AIDA: variants seen among roughly 807,000 people sequenced by gnomAD.
The protein encoded by AIDA is axin interactor, dorsalization-associated protein.
Under a neutral mutation model 42.7 loss-of-function variants are expected in AIDA, and 18 were observed. The observed-to-expected ratio is 0.42, with a 90% CI of 0.29 to 0.63. The LOEUF is 0.63. Among genes scored for constraint, AIDA ranks in the 20% least tolerant of loss-of-function variants. The probability of loss-of-function intolerance (pLI) is 0.19; values close to 1 mark genes in which losing one functional copy is unlikely to be tolerated. For missense variants in AIDA, 250 were observed against 354.1 expected, an observed-to-expected ratio of 0.71 and a Z score of 2.36; for synonymous variants, 104 against 122.9, an observed-to-expected ratio of 0.85 and a Z score of 1.02.
chr1:222,701,719 A>T (rs1277420562), intron 2 of AIDA, among the ~76,000 whole-genome samples: 3 of 152,120 alleles, frequency 2.0e-5, no homozygotes, highest in Non-Finnish European at 4.4e-5. Context: ...TTCTTTTTTT[A>T]AAAATTTATT....
intron 8 of AIDA, among the ~76,000 whole-genome samples, chr1:222,672,521 A>C (rs1664467587): frequency 6.6e-6 from 1 of 152,160 alleles, no homozygotes; most frequent in East Asian, 1.9e-4. Context: ...CGGATTCAGG[A>C]TGTCTGGGGT....
chr1:222,689,449 CAAGAAAAA>C (rs1225810259), intron 4 of AIDA, among the ~76,000 whole-genome samples: 1 of 126,716 alleles, frequency 7.9e-6, no homozygotes, highest in East Asian at 2.3e-4. Context: ...AAAGCTGTCT[CAAGAAAAA>C]AGAAAATATG....
At chr1:222,699,706 C>A (rs1318920766) in intron 2 of AIDA, among the ~76,000 whole-genome samples, 2 of 152,090 alleles carry the variant, frequency 1.3e-5, no homozygotes, top group African/African-American at 4.8e-5. Flanking sequence ...TGAAATAAGG[C>A]CTACATGTCA....
rs115485854 is a variant in AIDA, at chr1:222,704,480, G to A, written c.111-1263C>T. On this transcript the variant is annotated intron_variant, in intron 1 of 9. Coordinates refer to ENST00000340020, the MANE Select transcript of AIDA (RefSeq NM_022831.4). ...ATGGAAAATTATTCAGTCAAAAAGA[G>A]GAATGAAGTACTACTAACATGTGTA... 8.8e-3 allele frequency among the ~76,000 whole-genome samples: 1,343 copies of A among 152,208 alleles called. 11 individuals are homozygous for A. Among genetic ancestry groups the A allele is most frequent in the Middle Eastern group, 0.017 (5 of 294 alleles).
chr1:222,699,334 C>A (rs954658639), intron 2 of AIDA, among the ~76,000 whole-genome samples: 1 of 152,130 alleles, frequency 6.6e-6, no homozygotes, highest in Non-Finnish European at 1.5e-5. Flanking sequence ...GAAGAAAACA[C>A]AATTGAGTTT....
intron 2 of AIDA, among the ~76,000 whole-genome samples, chr1:222,701,202 A>G (rs1655693527): frequency 6.6e-6 from 1 of 152,110 alleles, no homozygotes; most frequent in Non-Finnish European, 1.5e-5. Flanking sequence ...GGCTGAAACA[A>G]TCTTCCCAAC....
intron 2 of AIDA, among the ~76,000 whole-genome samples, chr1:222,695,047 C>A (rs1345953994): frequency 3.9e-5 from 6 of 152,264 alleles, no homozygotes; most frequent in African/African-American, 1.4e-4. Flanking sequence ...TGAAAGCAGG[C>A]AGAAAAGTAA....
chr1:222,679,985 G>A (rs1303831164), intron 6 of AIDA, among the ~76,000 whole-genome samples: 1 of 152,204 alleles, frequency 6.6e-6, no homozygotes, highest in East Asian at 1.9e-4. Context: ...TGGAATCCCA[G>A]GGTGTCCCTG....
At chr1:222,706,464 T>A (rs890491676) in intron 1 of AIDA, among the ~76,000 whole-genome samples, 2 of 151,556 alleles carry the variant, frequency 1.3e-5, no homozygotes, top group African/African-American at 2.4e-5. Context: ...ATATGGTATA[T>A]CCATAAAAGG....
At chr1:222,689,479 G>GTATATATA (rs1293070735) in intron 4 of AIDA, among the ~76,000 whole-genome samples, 4 of 45,240 alleles carry the variant, frequency 8.8e-5, no homozygotes, top group Non-Finnish European at 1.5e-4. Context: ...ATGTGTGTGT[G>GTATATATA]TGTATATATA....
rs1553295514 is a variant in AIDA at position 222,700,971 on chromosome 1, T to TTGGGGGGGG, written c.180+2176_180+2177insCCCCCCCCA. ...GATAGACTCATTTCTTGATTTTTTT[T>TTGGGGGGGG]GGGGGGGGGGGGACAGGGTCTCACT... On this transcript the variant is annotated intron_variant, in intron 2 of 9. Coordinates refer to ENST00000340020, the MANE Select transcript of AIDA (RefSeq NM_022831.4). Among the ~76,000 whole-genome samples the TTGGGGGGGG allele has an allele frequency of 8.6e-5, 9 of 105,028 alleles. 1 individual carries two copies. Among genetic ancestry groups the TTGGGGGGGG allele is most frequent in the African/African-American group, 1.6e-4 (4 of 24,414 alleles). The allele number at this position is 105,028 out of a possible 152,430, so 68.9% of individuals were successfully genotyped here.
intron 2 of AIDA, among the ~76,000 whole-genome samples, chr1:222,700,521 G>C (rs771547472): frequency 2.0e-5 from 3 of 152,016 alleles, no homozygotes; most frequent in Non-Finnish European, 4.4e-5. Flanking sequence ...ACTCTGGGAG[G>C]CCCAGATGGG....
At chr1:222,681,315 T>C (rs115771178) in intron 6 of AIDA, among the ~76,000 whole-genome samples, 3 of 152,312 alleles carry the variant, frequency 2.0e-5, no homozygotes, top group African/African-American at 7.2e-5. Flanking sequence ...AAACTGGTTC[T>C]AGGTATCAGA....
At chr1:222,699,273 C>A (rs1655614439) in intron 2 of AIDA, among the ~76,000 whole-genome samples, 1 of 152,048 alleles carries the variant, frequency 6.6e-6, no homozygotes. Context: ...AAAACATAAA[C>A]AACAATTTTG....
At chr1:222,678,926 T>A (rs990527325) in intron 6 of AIDA, among the ~76,000 whole-genome samples, 1 of 152,226 alleles carries the variant, frequency 6.6e-6, no homozygotes, top group East Asian at 1.9e-4. Context: ...GATGTACTTT[T>A]TTTGGCTCTG....
intron 6 of AIDA, 55 bp downstream of exon 6, chr1:222,686,875 C>G (rs913534579): frequency 6.4e-7 from 1 of 1,561,034 alleles, no homozygotes. Flanking sequence ...AAGTTTCAAA[C>G]ACCCTGACTC....
intron 2 of AIDA, among the ~76,000 whole-genome samples, chr1:222,698,209 A>G (rs1244791111): frequency 2.6e-5 from 4 of 152,220 alleles, no homozygotes; most frequent in Non-Finnish European, 5.9e-5. Context: ...AATCGCTGAG[A>G]ATATTAAGAA....
intron 5 of AIDA, 124 bp downstream of exon 5, chr1:222,687,471 A>T: frequency 1.2e-6 from 1 of 836,594 alleles, no homozygotes; most frequent in Non-Finnish European, 1.8e-6. Flanking sequence ...ATGCTGATAT[A>T]CTGTTATCAT....
intron 1 of AIDA, among the ~76,000 whole-genome samples, chr1:222,708,934 T>C (rs1388764752): frequency 6.6e-6 from 1 of 152,262 alleles, no homozygotes; most frequent in Non-Finnish European, 1.5e-5. Context: ...CCTAAATTCA[T>C]CCATTCAATA....
Sources: gnomAD v4.1 joint callset for allele counts (sites outside exome capture counted in the v4.1 genomes callset) on GRCh38, gnomAD v4.1.1 for gene constraint, MANE v1.5 for transcripts, NCBI Gene and HGNC (gene_info 2026-07-23, HGNC 2026-07-21) for gene names.